The following CLEC2D variants were observed in gnomAD, a reference collection of about 807,000 sequenced individuals.
CLEC2D encodes the protein C-type lectin domain family 2 member D.
A neutral mutation model predicts 20.0 loss-of-function variants in CLEC2D; 16 were observed. The ratio of observed to expected loss-of-function variants is 0.80; its 90% confidence interval spans 0.54 to 1.22. The LOEUF (loss-of-function observed/expected upper bound fraction) is 1.22. Among genes scored for constraint, CLEC2D ranks in the 50% most tolerant of loss-of-function variants. CLEC2D has a pLI of 0.00. For synonymous variants in CLEC2D, 77 were observed against 71.1 expected, an observed-to-expected ratio of 1.08 and a Z score of -0.42; for missense variants, 207 against 221.5, an observed-to-expected ratio of 0.93 and a Z score of 0.42.
chr12:9,687,775 G>C lies in CLEC2D; in HGVS notation c.173-127G>C, dbSNP rs928825444. ...ATATTTAGCATCATATTTCTCACTT[G>C]AAAAATGAAAATAATACATTTAATA... On this transcript the variant is annotated intron_variant, in intron 2 of 4. Coordinates refer to ENST00000290855, the MANE Select transcript of CLEC2D (RefSeq NM_013269.6). 1.3e-5 allele frequency: 7 copies of C among 531,872 alleles called. No homozygotes were observed. In the South Asian group the frequency reaches 2.5e-4, roughly 19 times the overall value. 32.9% of individuals were successfully genotyped at this position (531,872 alleles called of 1,614,324 possible).
intron 1 of CLEC2D, among the ~76,000 whole-genome samples, chr12:9,673,325 G>A (rs1166639570): frequency 6.6e-6 from 1 of 152,236 alleles, no homozygotes; most frequent in Non-Finnish European, 1.5e-5. Flanking sequence ...GCCTTTCTGA[G>A]GCAAGTCTGC....
rs749767245 is a variant in CLEC2D, at chr12:9,695,871, TGAA to T, written c.*1000_*1002del. ...CTGCTGCTGCTGATGATGATGATGATGAAGATGATGATGATGATGATGACGAGG... is the reference window on the plus strand; with the variant it reads ...CTGCTGCTGCTGATGATGATGATGATGATGATGATGATGATGATGACGAGG... On this transcript the variant is annotated 3_prime_UTR_variant, in exon 5 of 5. Transcript: ENST00000290855. 154 of 1,008,144 alleles carry T rather than the reference TGAA, an allele frequency of 1.5e-4. 1 individual carries two copies. Among genetic ancestry groups the T allele is most frequent in the African/African-American group, 5.0e-5 (3 of 60,156 alleles). The allele number at this position is 1,008,144 out of a possible 1,614,324, so 62.4% of individuals were successfully genotyped here.
At chr12:9,691,482 G>A (rs755681865) in intron 3 of CLEC2D, among the ~76,000 whole-genome samples, 1 of 151,182 alleles carries the variant, frequency 6.6e-6, no homozygotes, top group East Asian at 1.9e-4. Flanking sequence ...AAATGCACAT[G>A]GAACATTCTT....
chr12:9,695,369 G>A lies in CLEC2D; in HGVS notation c.*495G>A. The A allele has an allele frequency of 7.5e-7, 1 of 1,341,184 alleles. No individual in the cohort carries two copies. The highest frequency in any genetic ancestry group is 1.1e-6 in the Non-Finnish European group (1 of 948,476). 83.1% of individuals were successfully genotyped at this position (1,341,184 alleles called of 1,614,324 possible). On this transcript the variant is annotated 3_prime_UTR_variant, in exon 5 of 5. Transcript: ENST00000290855. ...CGTCTGCCTTGTCTCCTACCTAAGT[G>A]TGTGTCGCCACCCGATGGAAGATTC...
intron 4 of CLEC2D, among the ~76,000 whole-genome samples, chr12:9,694,134 C>A (rs183883999): frequency 9.9e-5 from 15 of 151,974 alleles, no homozygotes; most frequent in Admixed American, 3.9e-4. Context: ...TTTTAAGGAT[C>A]AAATATATTA....
chr12:9,682,683 G>A (rs1341345559), intron 2 of CLEC2D, among the ~76,000 whole-genome samples: 1 of 152,072 alleles, frequency 6.6e-6, no homozygotes, highest in Non-Finnish European at 1.5e-5. Context: ...TTGTCTCCCT[G>A]CAAAGAATAT....
chr12:9,679,051 A>C (rs1413651610), intron 1 of CLEC2D, among the ~76,000 whole-genome samples: 3 of 152,198 alleles, frequency 2.0e-5, no homozygotes, highest in Non-Finnish European at 4.4e-5. Context: ...TATAATAAAA[A>C]AATCTAATTC....
rs772405489 is a variant in CLEC2D, at chr12:9,688,074, C to T, written c.345C>T (p.Ser115=). The part of the protein sequence containing the change: ...SQDADLAQVE[S]FQELNFLLRY... ...ATGCTGATCTTGCTCAGGTTGAAAG[C>T]TTCCAGGAACTGGTAAGAAAATAGT... Residue 115 remains serine (S), a synonymous_variant, in exon 3 of 5, where the codon AGC becomes AGT. Coordinates refer to ENST00000290855, the MANE Select transcript of CLEC2D (RefSeq NM_013269.6). The T allele has an allele frequency of 1.9e-6, 3 of 1,594,560 alleles. No individual in the cohort carries two copies. The highest frequency in any genetic ancestry group is 2.6e-6 in the Non-Finnish European group (3 of 1,170,338).
At chr12:9,688,240 G>A in intron 3 of CLEC2D, 154 bp downstream of exon 3, 3 of 1,225,488 alleles carry the variant, frequency 2.4e-6, no homozygotes, top group South Asian at 2.7e-5. Context: ...AACCTAGCAT[G>A]TATTATATTT....
chr12:9,670,733 AATC>A (rs1865401698), intron 1 of CLEC2D, among the ~76,000 whole-genome samples: 1 of 152,236 alleles, frequency 6.6e-6, no homozygotes, highest in Non-Finnish European at 1.5e-5. Context: ...TTTAGCAAGC[AATC>A]ACCCTGGTGA....
rs71045289 is a variant in CLEC2D at position 9,695,874 on chromosome 12, A to AGAT, written c.*1018_*1020dup. On this transcript the variant is annotated 3_prime_UTR_variant, in exon 5 of 5. Transcript: ENST00000290855. ...CTGCTGCTGATGATGATGATGATGA[A>AGAT]GATGATGATGATGATGATGACGAGG... 0.063 allele frequency: 56,486 copies of AGAT among 894,826 alleles called. 1,849 individuals carry two copies. The highest frequency in any genetic ancestry group is 0.081 in the Admixed American group (4,140 of 51,376). 55.4% of individuals were successfully genotyped at this position (894,826 alleles called of 1,614,324 possible).
rs1481400905 is a variant in CLEC2D at position 9,697,989 on chromosome 12, A to G, written c.*3115A>G. The stretch of plus-strand genomic sequence containing the variant: ...TTAATTAGATTAAGTGTATGTACAT[A>G]AAAACATCACATTATACACATCAAA... On this transcript the variant is annotated 3_prime_UTR_variant, in exon 5 of 5. Transcript: ENST00000290855. 6.6e-6 allele frequency: 1 copy of G among 152,230 alleles called. No individual in the cohort carries two copies. Among genetic ancestry groups the G allele is most frequent in the Non-Finnish European group, 1.5e-5 (1 of 68,030 alleles). The allele number at this position is 152,230 out of a possible 1,614,324, so 9.4% of individuals were successfully genotyped here. A position where few individuals can be genotyped will look rare whatever the true frequency, so the allele number is the denominator to read the frequency against.
intron 4 of CLEC2D, 148 bp from the exon 5 acceptor site, chr12:9,694,612 A>G: frequency 1.7e-6 from 1 of 604,918 alleles, no homozygotes; most frequent in Non-Finnish European, 3.0e-6. Context: ...AGCAAAGCCC[A>G]CTGACTAATT....
chr12:9,688,056 T>C lies in CLEC2D; in HGVS notation c.327T>C (p.Asp109=). ...SQRFCDSQDA[D]LAQVESFQEL... ...GGTTTTGTGACTCACAAGATGCTGA[T>C]CTTGCTCAGGTTGAAAGCTTCCAGG... Residue 109 remains aspartate, a synonymous_variant, in exon 3 of 5, where the codon GAT becomes GAC. Transcript: ENST00000290855. The C allele has an allele frequency of 1.9e-6, 3 of 1,609,370 alleles. No individual in the cohort carries two copies. Among genetic ancestry groups the C allele is most frequent in the Non-Finnish European group, 2.5e-6 (3 of 1,177,726 alleles).
intron 3 of CLEC2D, among the ~76,000 whole-genome samples, chr12:9,692,087 T>TTTTCTTTCTCTCTCTTTCTTTC (rs1865876224): frequency 6.6e-6 from 1 of 152,186 alleles, no homozygotes; most frequent in South Asian, 2.1e-4. Context: ...GTTTGGTGTC[T>TTTTCTTTCTCTCTCTTTCTTTC]TTTCTTTCTC....
At chr12:9,688,110 A>G in intron 3 of CLEC2D, 24 bp downstream of exon 3, 1 of 1,550,532 alleles carries the variant, frequency 6.4e-7, no homozygotes, top group South Asian at 1.3e-5. Context: ...TCTGGCCAGA[A>G]TCAAAGATTC....
intron 2 of CLEC2D, among the ~76,000 whole-genome samples, chr12:9,683,335 G>GTTTTTTTTTTTTTTTTTTTTT (rs1357039664): frequency 8.9e-5 from 1 of 11,288 alleles, no homozygotes; most frequent in African/African-American, 1.5e-4. Context: ...TTTTGTGTTT[G>GTTTTTTTTTTTTTTTTTTTTT]TTTTTTTTTT....
At chr12:9,675,191 C>CTTTT (rs56363104) in intron 1 of CLEC2D, among the ~76,000 whole-genome samples, 52 of 130,200 alleles carry the variant, frequency 4.0e-4, no homozygotes, top group Admixed American at 2.9e-3. Context: ...TTGTCTATTC[C>CTTTT]TTTTTTTTTT....
chr12:9,679,131 A>T (rs190801958), intron 1 of CLEC2D, among the ~76,000 whole-genome samples: 1 of 152,270 alleles, frequency 6.6e-6, no homozygotes, highest in African/African-American at 2.4e-5. Flanking sequence ...AAGCATATAA[A>T]TATATATAAA....
Sources: allele counts gnomAD v4.1 joint callset (sites outside exome capture counted in the v4.1 genomes callset), GRCh38; gene constraint gnomAD v4.1.1; transcripts MANE v1.5; gene names NCBI Gene and HGNC (gene_info 2026-07-23, HGNC 2026-07-21).